TLK1: variants seen among roughly 807,000 people sequenced by gnomAD.
TLK1 encodes the protein serine/threonine-protein kinase tousled-like 1.
In TLK1, 24 loss-of-function variants were observed where a neutral mutation model predicts 105.3. The ratio of observed to expected loss-of-function variants is 0.23; its 90% confidence interval spans 0.17 to 0.32. The LOEUF (loss-of-function observed/expected upper bound fraction) is 0.32, where lower values mean the gene tolerates loss of function less well. Among genes scored for constraint, TLK1 ranks in the 10% least tolerant of loss-of-function variants. TLK1 has a pLI of 1.00. For missense variants in TLK1, 558 were observed against 910.5 expected (o/e 0.61, Z 4.98); for synonymous variants, 321 against 310.4 (o/e 1.03, Z -0.36).
chr2:171,103,466 T>C (rs1018270654), intron 2 of TLK1, among the ~76,000 whole-genome samples: 2 of 151,842 alleles, frequency 1.3e-5, no homozygotes, highest in African/African-American at 4.8e-5. Flanking sequence ...GGGGTTGAAC[T>C]CCTGGCCTCA....
chr2:171,224,754 A>G (rs1437997264), intron 1 of TLK1, among the ~76,000 whole-genome samples: 5 of 152,210 alleles, frequency 3.3e-5, no homozygotes, highest in South Asian at 2.1e-4. Flanking sequence ...AGCCAAAACA[A>G]TCTTAAAGAA....
At chr2:171,090,585 C>CAAAT (rs1431368631) in intron 2 of TLK1, among the ~76,000 whole-genome samples, 1 of 152,176 alleles carries the variant, frequency 6.6e-6, no homozygotes, top group South Asian at 2.1e-4. Context: ...ACAAAGTCAT[C>CAAAT]AAATCCTTGG....
chr2:171,118,295 A>C (rs1350889311), intron 1 of TLK1, among the ~76,000 whole-genome samples: 3 of 152,198 alleles, frequency 2.0e-5, no homozygotes, highest in African/African-American at 4.8e-5. Context: ...TCCATAGTTT[A>C]AAAAATACTA....
chr2:171,098,290 T>C (rs1689538012), intron 2 of TLK1, among the ~76,000 whole-genome samples: 1 of 152,172 alleles, frequency 6.6e-6, no homozygotes, highest in South Asian at 2.1e-4. Context: ...GTGATGAACA[T>C]GTTAATTATC....
rs1683809361 is a variant in TLK1, at chr2:170,992,069, T to G, written c.*1711A>C. 1 of 152,152 alleles carries G rather than the reference T, an allele frequency of 6.6e-6. No homozygotes were observed. Among genetic ancestry groups the G allele is most frequent in the Admixed American group, 6.6e-5 (1 of 15,266 alleles). 9.4% of individuals were successfully genotyped at this position (152,152 alleles called of 1,614,324 possible). A position where few individuals can be genotyped will look rare whatever the true frequency, so the allele number is the denominator to read the frequency against. On this transcript the variant is annotated 3_prime_UTR_variant, in exon 21 of 21. Transcript: ENST00000431350. ...AATTTACACTTGTCTTGAAGTATAC[T>G]TAAGGAATTTATTCAGCTGATTTTT...
At chr2:171,075,881 T>C (rs1688479222) in intron 3 of TLK1, among the ~76,000 whole-genome samples, 1 of 152,204 alleles carries the variant, frequency 6.6e-6, no homozygotes, top group Non-Finnish European at 1.5e-5. Context: ...CTATGTGCCC[T>C]GAAGTTCACG....
intron 1 of TLK1, among the ~76,000 whole-genome samples, chr2:171,215,438 G>GGAAC (rs375407818): frequency 0.19 from 28,512 of 152,072 alleles, 2,780 homozygotes; most frequent in South Asian, 0.25. Flanking sequence ...AATCAAGTCT[G>GGAAC]CATTCAGGCT....
chr2:171,043,069 A>C (rs968922146), intron 11 of TLK1, among the ~76,000 whole-genome samples: 8 of 152,172 alleles, frequency 5.3e-5, no homozygotes, highest in Non-Finnish European at 8.8e-5. Flanking sequence ...CGTGAAAATG[A>C]AGAATGGAGC....
intron 1 of TLK1, among the ~76,000 whole-genome samples, chr2:171,152,076 T>TGGG (rs889604917): frequency 3.3e-5 from 5 of 152,124 alleles, no homozygotes; most frequent in Non-Finnish European, 7.4e-5. Context: ...AAGTGTCCAG[T>TGGG]GGGGAATCAT....
chr2:171,032,484 T>C (rs1016574137), intron 11 of TLK1, among the ~76,000 whole-genome samples: 1 of 152,160 alleles, frequency 6.6e-6, no homozygotes, highest in African/African-American at 2.4e-5. Context: ...AGGAAGCTAT[T>C]ACATTTACAA....
intron 1 of TLK1, among the ~76,000 whole-genome samples, chr2:171,156,951 C>G (rs1692262455): frequency 6.6e-6 from 1 of 152,140 alleles, no homozygotes; most frequent in South Asian, 2.1e-4. Flanking sequence ...CCAACTCAGC[C>G]TCCTGAACCA....
At chr2:171,076,504 G>A (rs13026444) in intron 3 of TLK1, among the ~76,000 whole-genome samples, 31,431 of 151,982 alleles carry the variant, frequency 0.21, 3,873 homozygotes, top group Non-Finnish European at 0.28. Context: ...TATTCTGTTA[G>A]AGCAGCAGAA....
intron 1 of TLK1, among the ~76,000 whole-genome samples, chr2:171,194,054 G>C (rs571302829): frequency 6.6e-5 from 10 of 152,122 alleles, no homozygotes; most frequent in South Asian, 2.1e-4. Flanking sequence ...CCTTGTCTTA[G>C]CATGCCTAGT....
At chr2:171,183,344 T>G (rs1692962830) in intron 1 of TLK1, among the ~76,000 whole-genome samples, 1 of 152,194 alleles carries the variant, frequency 6.6e-6, no homozygotes, top group African/African-American at 2.4e-5. Flanking sequence ...ATATATCTTA[T>G]CATTTCCTTG....
At chr2:171,122,547 T>A (rs1011620793) in intron 1 of TLK1, among the ~76,000 whole-genome samples, 1 of 152,184 alleles carries the variant, frequency 6.6e-6, no homozygotes, top group South Asian at 2.1e-4. Context: ...CACAGATCTG[T>A]AACTTTTTCT....
chr2:171,157,229 G>A (rs749472625), intron 1 of TLK1, among the ~76,000 whole-genome samples: 5 of 152,152 alleles, frequency 3.3e-5, no homozygotes, highest in African/African-American at 1.2e-4. Context: ...CTGATTCTCA[G>A]CAATAACCCA....
intron 1 of TLK1, among the ~76,000 whole-genome samples, chr2:171,176,252 G>GT (rs898017166): frequency 1.3e-5 from 2 of 152,128 alleles, no homozygotes; most frequent in African/African-American, 4.8e-5. Flanking sequence ...GATATCAAGG[G>GT]TTTTAAAGCA....
chr2:171,169,398 A>T (rs1427955998), intron 1 of TLK1, among the ~76,000 whole-genome samples: 2 of 152,206 alleles, frequency 1.3e-5, no homozygotes, highest in African/African-American at 4.8e-5. Flanking sequence ...CATAAAATAT[A>T]TATATACAAT....
At chr2:171,228,932 G>A (rs1426333911) in intron 1 of TLK1, among the ~76,000 whole-genome samples, 1 of 152,168 alleles carries the variant, frequency 6.6e-6, no homozygotes, top group Non-Finnish European at 1.5e-5. Flanking sequence ...TGCTTAGGAG[G>A]TCCCAGCTGC....
Sources: allele counts gnomAD v4.1 joint callset (sites outside exome capture counted in the v4.1 genomes callset), GRCh38; gene constraint gnomAD v4.1.1; transcripts MANE v1.5; gene names NCBI Gene and HGNC (gene_info 2026-07-23, HGNC 2026-07-21).